The following ZEB1 variants were observed in gnomAD, a reference collection of about 807,000 sequenced individuals.
ZEB1 encodes the protein zinc finger E-box-binding homeobox 1.
ZEB1 carries 21 observed loss-of-function variants against 84.9 expected under a neutral mutation model. The observed-to-expected ratio is 0.25, with a 90% CI of 0.18 to 0.36. The LOEUF (loss-of-function observed/expected upper bound fraction) is 0.36. Ranked by LOEUF, ZEB1 falls within the 10% of genes least tolerant of loss-of-function variation. The pLI is 1.00. For synonymous variants in ZEB1, 420 were observed against 471.1 expected (o/e 0.89, Z 1.41); for missense variants, 1,104 against 1,330.2 (o/e 0.83, Z 2.65).
At chr10:31,408,876 A>G (rs531849952) in intron 1 of ZEB1, among the ~76,000 whole-genome samples, 13 of 150,846 alleles carry the variant, frequency 8.6e-5, no homozygotes, top group African/African-American at 2.2e-4. Flanking sequence ...AATGGCAACA[A>G]AAGCCAAAAT....
At chr10:31,513,199 A>G (rs1409139838) in intron 5 of ZEB1, among the ~76,000 whole-genome samples, 1 of 152,144 alleles carries the variant, frequency 6.6e-6, no homozygotes, top group East Asian at 1.9e-4. Flanking sequence ...CAGACAGATA[A>G]ATAAGATTGT....
chr10:31,377,091 T>G (rs1258421104), intron 1 of ZEB1, among the ~76,000 whole-genome samples: 1 of 150,584 alleles, frequency 6.6e-6, no homozygotes, highest in Admixed American at 6.6e-5. Flanking sequence ...TAGTGTCTTT[T>G]TTTTTTTTTT....
chr10:31,362,130 G>A (rs1367130792), intron 1 of ZEB1, among the ~76,000 whole-genome samples: 1 of 151,864 alleles, frequency 6.6e-6, no homozygotes, highest in Non-Finnish European at 1.5e-5. Flanking sequence ...CGGCGGCGGG[G>A]CAGAGGCGCT....
chr10:31,421,715 CTT>C (rs1413686924), intron 1 of ZEB1, among the ~76,000 whole-genome samples: 1 of 152,088 alleles, frequency 6.6e-6, no homozygotes, highest in African/African-American at 2.4e-5. Flanking sequence ...CTTCTTTTCT[CTT>C]TGTTCTCTAC....
intron 2 of ZEB1, among the ~76,000 whole-genome samples, chr10:31,465,917 T>C (rs1033023673): frequency 3.9e-5 from 6 of 152,004 alleles, no homozygotes; most frequent in Admixed American, 1.3e-4. Context: ...ACAGATAAGA[T>C]GAAAGAGGAA....
At chr10:31,423,105 C>A (rs1422878952) in intron 1 of ZEB1, among the ~76,000 whole-genome samples, 4 of 151,800 alleles carry the variant, frequency 2.6e-5, no homozygotes, top group African/African-American at 4.8e-5. Context: ...TGTGAGAATT[C>A]TTCCAATAAA....
At chr10:31,322,043 CAG>C (rs2034220861) in intron 1 of ZEB1, 1 of 170,856 alleles carries the variant, frequency 5.9e-6, no homozygotes, top group South Asian at 1.4e-4. Flanking sequence ...GCATTACTCT[CAG>C]AAAACAAAAG....
Position 31,521,597 on chromosome 10 carries a change from T to C in ZEB1, c.2265T>C (p.Ser755=), listed in dbSNP as rs759638866. Residue 755 remains serine (S), a synonymous_variant, in exon 7 of 9, where the codon AGT becomes AGC. Coordinates refer to ENST00000424869, the MANE Select transcript of ZEB1 (RefSeq NM_001174096.2). ...GELLERSTIT[S]VYQNSVYSVQ... Reference sequence around the variant, plus strand: ...TATTAGAAAGGTCAACTATCACTAGTGTTTACCAGAACAGTGTTTATTCTG... The same window carrying C: ...TATTAGAAAGGTCAACTATCACTAGCGTTTACCAGAACAGTGTTTATTCTG... 6.2e-7 allele frequency: 1 copy of C among 1,614,158 alleles called. No homozygotes were observed. The highest frequency in any genetic ancestry group is 1.7e-5 in the Admixed American group (1 of 60,020).
chr10:31,368,471 G>A (rs116460929), intron 1 of ZEB1, among the ~76,000 whole-genome samples: 2,313 of 152,154 alleles, frequency 0.015, 43 homozygotes, highest in African/African-American at 0.052. Context: ...TCTTGTATAC[G>A]TTAAATCATC....
chr10:31,331,508 CA>C (rs1388794920), intron 1 of ZEB1, among the ~76,000 whole-genome samples: 20 of 152,110 alleles, frequency 1.3e-4, no homozygotes, highest in African/African-American at 4.8e-4. Context: ...TTATTGTATG[CA>C]AGGTAATGAG....
At chr10:31,328,891 T>C (rs2036159030) in intron 1 of ZEB1, among the ~76,000 whole-genome samples, 1 of 152,128 alleles carries the variant, frequency 6.6e-6, no homozygotes, top group East Asian at 1.9e-4. Flanking sequence ...CACCTTCTCA[T>C]ATATCCATTT....
At chr10:31,420,324 A>G (rs1330109502) in intron 1 of ZEB1, among the ~76,000 whole-genome samples, 2 of 152,132 alleles carry the variant, frequency 1.3e-5, no homozygotes, top group Admixed American at 1.3e-4. Context: ...TGCTTAAGGC[A>G]GCAATCAAGG....
chr10:31,522,026 G>C (rs1430301742), intron 7 of ZEB1, 90 bp downstream of exon 7: 2 of 1,553,316 alleles, frequency 1.3e-6, no homozygotes, highest in Non-Finnish European at 1.8e-6. Context: ...CAGTCCCGTA[G>C]AGCCAACTAG....
At chr10:31,422,239 C>T (rs780228244) in intron 1 of ZEB1, among the ~76,000 whole-genome samples, 12 of 152,042 alleles carry the variant, frequency 7.9e-5, no homozygotes, top group South Asian at 2.1e-4. Context: ...GCATAGGGTA[C>T]GGTAGTAGCA....
rs1218789036 is a variant in ZEB1 at position 31,521,577 on chromosome 10, G to C, written c.2245G>C (p.Glu749Gln). 1 of 1,614,098 alleles carries C rather than the reference G, an allele frequency of 6.2e-7. No individual in the cohort carries two copies. Among genetic ancestry groups the C allele is most frequent in the South Asian group, 1.1e-5 (1 of 91,084 alleles). Reference protein sequence around the residue: ...SLPKQQGELLERSTITSVYQN... With the variant: ...SLPKQQGELLQRSTITSVYQN... The stretch of plus-strand genomic sequence containing the variant: ...ACCAAAGCAACAGGGAGAATTATTA[G>C]AAAGGTCAACTATCACTAGTGTTTA... The change falls in exon 7 of 9, where the codon GAA becomes CAA. Residue 749 changes from glutamate (E) to glutamine (Q), a missense_variant. Transcript: ENST00000424869.
intron 1 of ZEB1, among the ~76,000 whole-genome samples, chr10:31,455,601 A>T (rs1462739519): frequency 6.6e-6 from 1 of 152,174 alleles, no homozygotes; most frequent in Non-Finnish European, 1.5e-5. Context: ...GGGCAAGGAT[A>T]TGAACAGACA....
chr10:31,374,534 C>T (rs1021062432), intron 1 of ZEB1, among the ~76,000 whole-genome samples: 2 of 151,690 alleles, frequency 1.3e-5, no homozygotes, highest in Non-Finnish European at 3.0e-5. Flanking sequence ...ACTTCCAGTG[C>T]CAATGGTAAT....
intron 5 of ZEB1, among the ~76,000 whole-genome samples, chr10:31,512,401 G>A (rs1006734350): frequency 2.6e-5 from 4 of 152,152 alleles, no homozygotes; most frequent in African/African-American, 9.7e-5. Context: ...CATATAAACC[G>A]TGGGTCAGAC....
intron 1 of ZEB1, among the ~76,000 whole-genome samples, chr10:31,335,309 A>T (rs1475904436): frequency 1.3e-5 from 2 of 152,140 alleles, no homozygotes; most frequent in Non-Finnish European, 2.9e-5. Flanking sequence ...CAGATAATAA[A>T]AAAAAACATA....
Sources: allele counts gnomAD v4.1 joint callset (sites outside exome capture counted in the v4.1 genomes callset), GRCh38; gene constraint gnomAD v4.1.1; transcripts MANE v1.5; gene names NCBI Gene and HGNC (gene_info 2026-07-23, HGNC 2026-07-21).